The following SLC31A2 variants were observed in gnomAD, a reference collection of about 807,000 sequenced individuals.
The protein encoded by SLC31A2 is solute carrier family 31 member 2, also known as protein SLC31A2.
SLC31A2 carries 16 observed loss-of-function variants against 14.4 expected under a neutral mutation model. That is an observed-to-expected ratio of 1.11 (90% CI 0.75 to 1.69). The LOEUF is 1.69. Among genes scored for constraint, SLC31A2 ranks in the 40% most tolerant of loss-of-function variants. The probability of loss-of-function intolerance (pLI) is 0.00; values close to 1 mark genes in which losing one functional copy is unlikely to be tolerated. For synonymous variants in SLC31A2, 56 were observed against 68.7 expected, an observed-to-expected ratio of 0.82 and a Z score of 0.91; for missense variants, 140 against 173.9, an observed-to-expected ratio of 0.81 and a Z score of 1.10.
In SLC31A2 at chr9:113,151,140, G is replaced by C; in HGVS notation, c.6+60G>C. The C allele has an allele frequency of 4.7e-6, 6 of 1,276,806 alleles. No individual in the cohort carries two copies. The highest frequency in any genetic ancestry group is 6.0e-6 in the Non-Finnish European group (6 of 1,003,068). 79.1% of individuals were successfully genotyped at this position (1,276,806 alleles called of 1,614,324 possible). A position where few individuals can be genotyped will look rare whatever the true frequency, so the allele number is the denominator to read the frequency against. The stretch of plus-strand genomic sequence containing the variant: ...GGTTGGGGCGGGGTCTCCTGGAGCT[G>C]CCATCTCGGCACCCCGAATCCTCGC... On this transcript the variant is annotated intron_variant, in intron 1 of 3. Transcript: ENST00000259392. The surrounding 1 kb of genome is among the most constrained non-coding windows in gnomAD (Gnocchi z 4.2).
intron 2 of SLC31A2, chr9:113,161,251 A>G: frequency 4.2e-6 from 2 of 480,164 alleles, no homozygotes; most frequent in Non-Finnish European, 7.4e-6. Context: ...CTGCTGGGGG[A>G]GTGGGTGGGG....
intron 3 of SLC31A2, chr9:113,161,901 C>G: frequency 1.5e-6 from 1 of 681,828 alleles, no homozygotes; most frequent in Admixed American, 2.3e-5. Context: ...CTGTGAACAG[C>G]CAGCCACTTG....
intron 3 of SLC31A2, 151 bp from the exon 4 acceptor site, chr9:113,162,598 G>A (rs1268581692): frequency 3.2e-6 from 2 of 624,110 alleles, no homozygotes; most frequent in South Asian, 2.6e-5. Context: ...GGGGTGGGAG[G>A]GGCAGAAAGA....
intron 3 of SLC31A2, chr9:113,162,490 C>T: frequency 2.9e-6 from 1 of 348,094 alleles, no homozygotes; most frequent in Admixed American, 4.7e-5. Context: ...TATAGATACC[C>T]TCATTTTCCC....
Position 113,151,007 on chromosome 9 carries a change from G to T in SLC31A2, c.-68G>T. The T allele has an allele frequency of 7.8e-7, 1 of 1,287,904 alleles. No individual in the cohort carries two copies. The allele number at this position is 1,287,904 out of a possible 1,614,324, so 79.8% of individuals were successfully genotyped here. On this transcript the variant is annotated 5_prime_UTR_variant, in exon 1 of 4. Transcript: ENST00000259392. The surrounding 1 kb of genome is among the most constrained non-coding windows in gnomAD (Gnocchi z 4.2). The stretch of plus-strand genomic sequence containing the variant: ...CGCGGCGGCGGCGGCGGCGGCGGTT[G>T]AACTGACTCGGAGCGAGGAGACCCG...
intron 2 of SLC31A2, among the ~76,000 whole-genome samples, chr9:113,160,051 T>C (rs28574672): frequency 0.32 from 48,332 of 151,904 alleles, 7,869 homozygotes; most frequent in Non-Finnish European, 0.33. Flanking sequence ...GTGGGGGGTG[T>C]CTGTAATCCC....
Position 113,163,364 on chromosome 9 carries a change from T to G in SLC31A2, c.*447T>G, listed in dbSNP as rs544269061. 1 of 153,678 alleles carries G rather than the reference T, an allele frequency of 6.5e-6. No homozygotes were observed. Among genetic ancestry groups the G allele is most frequent in the African/African-American group, 2.4e-5 (1 of 41,612 alleles). The allele number at this position is 153,678 out of a possible 1,614,324, so 9.5% of individuals were successfully genotyped here. On this transcript the variant is annotated 3_prime_UTR_variant, in exon 4 of 4. Transcript: ENST00000259392. ...ATCGCCCATTGGACTTCCTGACCTC[T>G]TCTGTCTTTGAGGGACAGAGACCAA...
At chr9:113,158,523 GTA>G (rs557756985) in intron 2 of SLC31A2, among the ~76,000 whole-genome samples, 143 of 152,324 alleles carry the variant, frequency 9.4e-4, no homozygotes, top group African/African-American at 3.1e-3. Flanking sequence ...CTCTCATGCA[GTA>G]TAGTCAAACA....
chr9:113,156,580 C>T (rs1331159566), intron 1 of SLC31A2, among the ~76,000 whole-genome samples: 1 of 152,202 alleles, frequency 6.6e-6, no homozygotes, highest in Non-Finnish European at 1.5e-5. Flanking sequence ...GCAAAGGCTT[C>T]CACTAGCTGA....
intron 1 of SLC31A2, among the ~76,000 whole-genome samples, chr9:113,155,844 G>GT (rs1829926481): frequency 1.3e-5 from 2 of 152,158 alleles, no homozygotes; most frequent in Admixed American, 1.3e-4. Flanking sequence ...GCTTTGCAGA[G>GT]TTTTCCCCCA....
At chr9:113,159,552 G>C (rs1829979013) in intron 2 of SLC31A2, among the ~76,000 whole-genome samples, 1 of 152,026 alleles carries the variant, frequency 6.6e-6, no homozygotes. Flanking sequence ...GGGAGCCTGT[G>C]GGAAAAAAAA....
chr9:113,156,952 C>T (rs1411335851), intron 1 of SLC31A2, among the ~76,000 whole-genome samples: 2 of 152,208 alleles, frequency 1.3e-5, no homozygotes, highest in East Asian at 3.8e-4. Context: ...GTTTCCCTAA[C>T]TTTCCTTCCT....
intron 3 of SLC31A2, 146 bp downstream of exon 3, chr9:113,161,844 C>T: frequency 1.2e-6 from 1 of 841,074 alleles, no homozygotes; most frequent in Non-Finnish European, 2.0e-6. Flanking sequence ...CTACACATAG[C>T]CAAGTGAACT....
chr9:113,154,423 T>A (rs557305962), intron 1 of SLC31A2, among the ~76,000 whole-genome samples: 1 of 152,298 alleles, frequency 6.6e-6, no homozygotes, highest in African/African-American at 2.4e-5. Context: ...ACCGTGCCCC[T>A]AACCACTAGC....
chr9:113,153,881 G>C (rs982685054), intron 1 of SLC31A2, among the ~76,000 whole-genome samples: 3 of 152,074 alleles, frequency 2.0e-5, no homozygotes, highest in African/African-American at 7.2e-5. Context: ...TTAGTCCCAG[G>C]TCTCTACCAA....
chr9:113,153,119 G>GTTTTT (rs10700218), intron 1 of SLC31A2, among the ~76,000 whole-genome samples: 16 of 142,742 alleles, frequency 1.1e-4, no homozygotes, highest in Non-Finnish European at 1.5e-4. Context: ...GTGTCAAAAT[G>GTTTTT]TTTTTTTTTT....
Position 113,162,726 on chromosome 9 carries a change from ACTTG to A in SLC31A2, c.264-19_264-16del, listed in dbSNP as rs772062600. On this transcript the variant is annotated intron_variant, in intron 3 of 3. Coordinates refer to ENST00000259392, the MANE Select transcript of SLC31A2 (RefSeq NM_001860.3). ...CATTACCAGCTCATTACCAGGATTAACTTGCTTCTCCTTTTTATCTAGGTGGTAT... is the reference window on the plus strand; with the variant it reads ...CATTACCAGCTCATTACCAGGATTAACTTCTCCTTTTTATCTAGGTGGTAT... 14 of 1,599,176 alleles carry A rather than the reference ACTTG, an allele frequency of 8.8e-6. No homozygotes were observed. Among genetic ancestry groups the A allele is most frequent in the Non-Finnish European group, 6.0e-6 (7 of 1,171,522 alleles).
At chr9:113,157,170 C>G (rs150499684) in intron 1 of SLC31A2, among the ~76,000 whole-genome samples, 1 of 152,222 alleles carries the variant, frequency 6.6e-6, no homozygotes, top group Non-Finnish European at 1.5e-5. Context: ...AGACATTAAC[C>G]TACTTCCATA....
Position 113,163,021 on chromosome 9 carries a change from T to G in SLC31A2, c.*104T>G. On this transcript the variant is annotated 3_prime_UTR_variant, in exon 4 of 4. Coordinates refer to ENST00000259392, the MANE Select transcript of SLC31A2 (RefSeq NM_001860.3). ...TTCTTCTGATGGCTATTCCTCCACC[T>G]TATTCCCAGCCCCTGGAAACTTTGA... 1 of 1,126,666 alleles carries G rather than the reference T, an allele frequency of 8.9e-7. No individual in the cohort carries two copies. Among genetic ancestry groups the G allele is most frequent in the Non-Finnish European group, 1.2e-6 (1 of 828,926 alleles). The allele number at this position is 1,126,666 out of a possible 1,614,324, so 69.8% of individuals were successfully genotyped here. A position where few individuals can be genotyped will look rare whatever the true frequency, so the allele number is the denominator to read the frequency against.
Sources: gnomAD v4.1 joint callset for allele counts (sites outside exome capture counted in the v4.1 genomes callset) on GRCh38, gnomAD v4.1.1 for gene constraint, Gnocchi (gnomAD v3.1) non-coding constraint, MANE v1.5 for transcripts, NCBI Gene and HGNC (gene_info 2026-07-23, HGNC 2026-07-21) for gene names.